Variants in TIAM1 observed in about 807,000 individuals in gnomAD.
TIAM1 encodes the protein TIAM Rac1 associated GEF 1, also known as rho guanine nucleotide exchange factor TIAM1.
Under a neutral mutation model 163.5 loss-of-function variants are expected in TIAM1, and 65 were observed. That is an observed-to-expected ratio of 0.40 (90% confidence interval 0.33 to 0.49). The LOEUF (loss-of-function observed/expected upper bound fraction) is 0.49. Among genes scored for constraint, TIAM1 ranks in the 20% least tolerant of loss-of-function variants. TIAM1 has a pLI of 0.77. For synonymous variants in TIAM1, 833 were observed against 810.1 expected (o/e 1.03, Z -0.48); for missense variants, 1,789 against 2,044.7 (o/e 0.87, Z 2.41).
chr21:31,216,076 C>A (rs190307148), intron 9 of TIAM1, among the ~76,000 whole-genome samples: 41 of 152,268 alleles, frequency 2.7e-4, no homozygotes, highest in African/African-American at 9.9e-4. Flanking sequence ...GAGGCTGAGG[C>A]AGGAGAATCA....
intron 15 of TIAM1, among the ~76,000 whole-genome samples, chr21:31,177,097 T>C (rs576819090): frequency 7.2e-5 from 11 of 152,364 alleles, no homozygotes; most frequent in African/African-American, 2.4e-4. Context: ...GGAATCCTCA[T>C]GTCCCCCATA....
chr21:31,180,705 A>T (rs1268734675), intron 15 of TIAM1, among the ~76,000 whole-genome samples: 4 of 152,248 alleles, frequency 2.6e-5, no homozygotes, highest in Admixed American at 6.5e-5. Flanking sequence ...CTATCTGTGA[A>T]CCGTTTTATG....
In TIAM1 at chr21:31,209,175, A is replaced by G. The variant is rs535479501; in HGVS notation, c.2388+870T>C. Among the ~76,000 whole-genome samples the G allele has an allele frequency of 4.6e-5, 7 of 152,298 alleles. No homozygotes were observed. In the South Asian group the frequency reaches 1.2e-3, roughly 27 times the overall value. On this transcript the variant is annotated intron_variant, in intron 11 of 27. Transcript: ENST00000541036. The stretch of plus-strand genomic sequence containing the variant: ...GTGATGTGAGTTCAGGCAAGCAGCT[A>G]AGGCCCTCTGAGCTTCACTTCCTCC...
upstream of TIAM1, among the ~76,000 whole-genome samples, chr21:31,345,179 T>C (rs549214208): frequency 1.8e-4 from 28 of 152,246 alleles, 1 homozygote; most frequent in South Asian, 3.7e-3. Flanking sequence ...TCTGAAAGGG[T>C]TGAAGCATTC....
intron 2 of TIAM1, among the ~76,000 whole-genome samples, chr21:31,371,615 A>G (rs1038208523): frequency 1.3e-5 from 2 of 152,208 alleles, no homozygotes; most frequent in African/African-American, 4.8e-5. Context: ...TTTCAACCTT[A>G]AAAAGAACTA....
chr21:31,458,538 G>A (rs1306260512), intron 2 of TIAM1, among the ~76,000 whole-genome samples: 2 of 151,984 alleles, frequency 1.3e-5, no homozygotes, highest in African/African-American at 2.4e-5. Flanking sequence ...ATTCTTCTTG[G>A]GAAACTGTAC....
At chr21:31,490,942 T>A (rs888408015) in intron 1 of TIAM1, among the ~76,000 whole-genome samples, 1 of 152,076 alleles carries the variant, frequency 6.6e-6, no homozygotes, top group African/African-American at 2.4e-5. Flanking sequence ...CTGGCCAACA[T>A]GGTGAAACCC....
At chr21:31,151,241 T>A (rs776572942) in intron 19 of TIAM1, among the ~76,000 whole-genome samples, 1 of 152,198 alleles carries the variant, frequency 6.6e-6, no homozygotes, top group African/African-American at 2.4e-5. Context: ...TGAGAGCATA[T>A]ATCCATACTA....
intron 2 of TIAM1, among the ~76,000 whole-genome samples, chr21:31,414,528 C>T (rs1031454535): frequency 2.6e-5 from 4 of 152,106 alleles, no homozygotes; most frequent in Admixed American, 6.5e-5. Context: ...GTCCAGTGAA[C>T]AATCAAAAAA....
Position 31,203,420 on chromosome 21 carries a change from G to T in TIAM1, c.2389-408C>A, listed in dbSNP as rs2086302725. On this transcript the variant is annotated intron_variant, in intron 11 of 27. Transcript: ENST00000541036. The stretch of plus-strand genomic sequence containing the variant: ...TTACAGGCGTGGGCCACTGCTCCCG[G>T]CCCAATAGAAATTTGATGCTGAATG... 3.3e-5 allele frequency among the ~76,000 whole-genome samples: 5 copies of T among 152,240 alleles called. No homozygotes were observed. In the South Asian group the frequency reaches 1.0e-3, roughly 32 times the overall value.
At chr21:31,549,473 T>TAA (rs71812004) in intron 1 of TIAM1, among the ~76,000 whole-genome samples, 4 of 151,656 alleles carry the variant, frequency 2.6e-5, no homozygotes, top group Non-Finnish European at 4.4e-5. Flanking sequence ...AACTTATTAA[T>TAA]AAAAAAAAAT....
intron 2 of TIAM1, among the ~76,000 whole-genome samples, chr21:31,426,883 T>C (rs905659866): frequency 6.6e-6 from 1 of 152,144 alleles, no homozygotes; most frequent in African/African-American, 2.4e-5. Flanking sequence ...ACATGCTATG[T>C]TTTTGAGGGG....
intron 2 of TIAM1, among the ~76,000 whole-genome samples, chr21:31,373,902 C>A (rs2076642381): frequency 6.6e-6 from 1 of 152,126 alleles, no homozygotes; most frequent in East Asian, 1.9e-4. Flanking sequence ...CCTCCCATAT[C>A]CTCAAAGCTG....
At chr21:31,423,256 A>G (rs2043647742) in intron 2 of TIAM1, among the ~76,000 whole-genome samples, 1 of 151,098 alleles carries the variant, frequency 6.6e-6, no homozygotes, top group Admixed American at 6.6e-5. Context: ...CCGCCACCAC[A>G]CCTGGCTAAT....
At chr21:31,164,624 C>G (rs912888800) in intron 16 of TIAM1, among the ~76,000 whole-genome samples, 8 of 152,088 alleles carry the variant, frequency 5.3e-5, no homozygotes, top group African/African-American at 1.9e-4. Flanking sequence ...TGACTCAATC[C>G]CACATACTTT....
intron 1 of TIAM1, among the ~76,000 whole-genome samples, chr21:31,512,336 G>A (rs551030287): frequency 6.6e-6 from 1 of 152,136 alleles, no homozygotes; most frequent in Non-Finnish European, 1.5e-5. Flanking sequence ...CTGGGCTCAA[G>A]TCATCCACCC....
chr21:31,427,735 G>A (rs931826699), intron 2 of TIAM1, among the ~76,000 whole-genome samples: 1 of 152,098 alleles, frequency 6.6e-6, no homozygotes. Context: ...TCAGGAGGCT[G>A]AGGCGGGAGG....
chr21:31,324,343 ACT>A (rs954058082), intron 2 of TIAM1, among the ~76,000 whole-genome samples: 2 of 151,872 alleles, frequency 1.3e-5, no homozygotes, highest in African/African-American at 2.4e-5. Context: ...ACGGAGAGAA[ACT>A]CTGTCTCAAA....
chr21:31,326,110 C>T (rs1480652258), intron 2 of TIAM1, among the ~76,000 whole-genome samples: 1 of 152,190 alleles, frequency 6.6e-6, no homozygotes, highest in Non-Finnish European at 1.5e-5. Context: ...ACCCTGACCC[C>T]AGCGAGACCC....
Sources: allele counts gnomAD v4.1 joint callset (sites outside exome capture counted in the v4.1 genomes callset), GRCh38; gene constraint gnomAD v4.1.1; transcripts MANE v1.5; gene names NCBI Gene and HGNC (gene_info 2026-07-23, HGNC 2026-07-21).